The following NRG3 variants were observed in gnomAD, a reference collection of about 807,000 sequenced individuals.
NRG3 encodes the protein pro-neuregulin-3, membrane-bound isoform.
NRG3 carries 31 observed loss-of-function variants against 66.9 expected under a neutral mutation model. The ratio of observed to expected loss-of-function variants is 0.46; its 90% CI spans 0.35 to 0.63. The LOEUF is 0.63. Ranked by LOEUF, NRG3 falls within the 20% of genes least tolerant of loss-of-function variation. The pLI is 0.00. For synonymous variants in NRG3, 393 were observed against 359.4 expected (o/e 1.09, Z -1.06); for missense variants, 910 against 878.9 (o/e 1.04, Z -0.45).
At chr10:82,130,453 G>T (rs1011059237) in intron 1 of NRG3, among the ~76,000 whole-genome samples, 1 of 152,068 alleles carries the variant, frequency 6.6e-6, no homozygotes, top group Non-Finnish European at 1.5e-5. Flanking sequence ...GATGGAAACA[G>T]GTTGCTTCTA....
At chr10:82,652,424 G>A (rs973843864) in intron 2 of NRG3, among the ~76,000 whole-genome samples, 1 of 152,148 alleles carries the variant, frequency 6.6e-6, no homozygotes, top group African/African-American at 2.4e-5. Flanking sequence ...CTGAAAAGGG[G>A]ACAGACGAGA....
At chr10:82,582,456 C>T (rs1041949836) in intron 2 of NRG3, among the ~76,000 whole-genome samples, 1 of 152,130 alleles carries the variant, frequency 6.6e-6, no homozygotes, top group Admixed American at 6.6e-5. Context: ...TGGCTCCCTT[C>T]TTGCACTATT....
chr10:81,947,162 C>T (rs1848919219), intron 1 of NRG3, among the ~76,000 whole-genome samples: 1 of 152,102 alleles, frequency 6.6e-6, no homozygotes, highest in Non-Finnish European at 1.5e-5. Context: ...CAGTCTTGGT[C>T]TCTGTCTATT....
At chr10:82,558,996 T>G (rs1215645570) in intron 2 of NRG3, among the ~76,000 whole-genome samples, 1 of 152,184 alleles carries the variant, frequency 6.6e-6, no homozygotes, top group East Asian at 1.9e-4. Flanking sequence ...TGAAATTATA[T>G]TACTCTGAGA....
chr10:82,916,782 AT>A (rs1564628330), intron 4 of NRG3, among the ~76,000 whole-genome samples: 1 of 152,026 alleles, frequency 6.6e-6, no homozygotes, highest in East Asian at 1.9e-4. Flanking sequence ...CGCCCAGCTA[AT>A]TTTTGTATTT....
intron 1 of NRG3, chr10:82,232,661 T>C (rs1335327037): frequency 2.9e-6 from 2 of 692,264 alleles, no homozygotes; most frequent in East Asian, 5.4e-5. Flanking sequence ...TTTGTATACA[T>C]TTATGAGACA....
intron 2 of NRG3, among the ~76,000 whole-genome samples, chr10:82,677,640 A>G (rs542137175): frequency 6.6e-6 from 1 of 152,286 alleles, no homozygotes; most frequent in South Asian, 2.1e-4. Context: ...GGCAAATTGT[A>G]TGCATCTGCA....
chr10:82,624,782 T>C (rs2049295056), intron 2 of NRG3, among the ~76,000 whole-genome samples: 2 of 147,870 alleles, frequency 1.4e-5, no homozygotes, highest in Non-Finnish European at 3.0e-5. Flanking sequence ...ACCAGGTTGG[T>C]GCTTTTTAAT....
At position 81,911,756 on chromosome 10, in the gene NRG3, G is replaced by A. The variant is rs537407420; in HGVS notation, c.823+35593G>A. ...ACACACACACACACACCCCAAACCC[G>A]AAACCAACCACAACAGCAAAAAACC... On this transcript the variant is annotated intron_variant, in intron 1 of 8. Transcript: ENST00000372141. Among the ~76,000 whole-genome samples the A allele has an allele frequency of 3.4e-3, 507 of 150,546 alleles. 2 individuals are homozygous for A. Among genetic ancestry groups the A allele is most frequent in the Admixed American group, 5.0e-3 (76 of 15,054 alleles).
chr10:82,001,977 A>T (rs2061189488), intron 1 of NRG3, among the ~76,000 whole-genome samples: 1 of 152,106 alleles, frequency 6.6e-6, no homozygotes, highest in Admixed American at 6.6e-5. Context: ...CCCATTGCAA[A>T]ACCTCTTCAT....
chr10:82,303,782 G>A (rs573280483), intron 1 of NRG3, among the ~76,000 whole-genome samples: 6 of 152,086 alleles, frequency 3.9e-5, no homozygotes, highest in African/African-American at 1.2e-4. Flanking sequence ...GCAGAGAATT[G>A]CTTGAACCCG....
intron 1 of NRG3, among the ~76,000 whole-genome samples, chr10:81,888,337 C>A (rs775477429): frequency 1.3e-5 from 2 of 152,142 alleles, no homozygotes; most frequent in Non-Finnish European, 2.9e-5. Context: ...ACACTTTTCA[C>A]ATATCTTAAC....
intron 2 of NRG3, among the ~76,000 whole-genome samples, chr10:82,539,931 C>T (rs956659418): frequency 2.6e-5 from 4 of 152,110 alleles, no homozygotes; most frequent in Admixed American, 2.0e-4. Context: ...CGCACCCAGC[C>T]GTTTACTGCC....
chr10:82,051,628 A>G (rs562954489), intron 1 of NRG3, among the ~76,000 whole-genome samples: 70 of 152,298 alleles, frequency 4.6e-4, no homozygotes, highest in African/African-American at 1.5e-3. Context: ...TTTCAGTTAC[A>G]GATTGATGTA....
At chr10:82,861,096 T>A (rs1017273188) in intron 3 of NRG3, among the ~76,000 whole-genome samples, 2 of 152,242 alleles carry the variant, frequency 1.3e-5, no homozygotes, top group African/African-American at 4.8e-5. Context: ...GCAGTAATGA[T>A]CACGGTGTTT....
intron 1 of NRG3, among the ~76,000 whole-genome samples, chr10:82,303,936 G>GTT (rs1290916455): frequency 6.6e-6 from 1 of 152,132 alleles, no homozygotes; most frequent in Non-Finnish European, 1.5e-5. Context: ...CCTTATGGAT[G>GTT]TTTAGCTTGT....
At chr10:81,982,378 T>C (rs1035997244) in intron 1 of NRG3, among the ~76,000 whole-genome samples, 4 of 152,212 alleles carry the variant, frequency 2.6e-5, no homozygotes, top group Admixed American at 2.0e-4. Context: ...TTCAAGGCAA[T>C]CTAAGCTTCC....
chr10:82,214,919 T>G (rs1159074175), intron 1 of NRG3, among the ~76,000 whole-genome samples: 1 of 152,208 alleles, frequency 6.6e-6, no homozygotes, highest in East Asian at 1.9e-4. Context: ...TTTCCAGCTA[T>G]GGCATCACTG....
chr10:82,633,905 C>T lies in NRG3; in HGVS notation c.954-104672C>T, dbSNP rs141454133. 1.4e-4 allele frequency among the ~76,000 whole-genome samples: 22 copies of T among 151,948 alleles called. No individual in the cohort carries two copies. In the East Asian group the frequency reaches 2.1e-3, roughly 15 times the overall value. On this transcript the variant is annotated intron_variant, in intron 2 of 8. Transcript: ENST00000372141. ...GGTAAGTGTTGTGTGTCCTTAACAG[C>T]GAAAAGAGAACTGGCAAGAAAAAGG... is the stretch of plus-strand genomic sequence containing the variant.
Sources: allele counts gnomAD v4.1 joint callset (sites outside exome capture counted in the v4.1 genomes callset), GRCh38; gene constraint gnomAD v4.1.1; transcripts MANE v1.5; gene names NCBI Gene and HGNC (gene_info 2026-07-23, HGNC 2026-07-21).